DMD: variants seen among roughly 807,000 people sequenced by gnomAD.
The protein encoded by DMD is dystrophin.
DMD carries 63 observed loss-of-function variants against 330.1 expected under a neutral mutation model. That is an observed-to-expected ratio of 0.19 (90% CI 0.16 to 0.24). The LOEUF is 0.24. DMD is among the 10% of genes least tolerant of loss of function. DMD has a pLI of 1.00. For synonymous variants in DMD, 1,223 were observed against 959.8 expected (o/e 1.27, Z -5.07); for missense variants, 3,344 against 2,684.1 (o/e 1.25, Z -5.43).
chrX:31,861,638 CTGTGTG>C (rs1556949987), intron 48 of DMD, among the ~76,000 whole-genome samples: 25 of 83,107 alleles, frequency 3.0e-4, no homozygotes, highest in South Asian at 1.4e-3. Context: ...AAATAATCAC[CTGTGTG>C]TGTGTGTGTG....
At chrX:32,073,400 G>C (rs2147816248) in intron 44 of DMD, among the ~76,000 whole-genome samples, 1 of 111,537 alleles carries the variant, frequency 9.0e-6, no homozygotes, top group South Asian at 3.7e-4. Flanking sequence ...TGGTAAATTA[G>C]AAACATACTA....
At chrX:32,649,676 A>G (rs979321028) in intron 9 of DMD, among the ~76,000 whole-genome samples, 4 of 109,631 alleles carry the variant, frequency 3.6e-5, no homozygotes, top group Non-Finnish European at 7.6e-5. Flanking sequence ...CTAGACACTC[A>G]TTTCTGGAGA....
intron 60 of DMD, among the ~76,000 whole-genome samples, chrX:31,422,426 T>G (rs2063495770): frequency 9.0e-6 from 1 of 111,703 alleles, no homozygotes; most frequent in Admixed American, 9.6e-5. Flanking sequence ...TTTAACATAT[T>G]AAAACACGCA....
chrX:32,687,644 G>T (rs370947043), intron 9 of DMD, among the ~76,000 whole-genome samples: 51 of 111,749 alleles, frequency 4.6e-4, no homozygotes, highest in African/African-American at 1.4e-3. Context: ...CACCAGGCAT[G>T]TTAGTGAAGA....
rs184423943 is a variant in DMD at position 33,303,888 on chromosome X, C to A, written c.7+35371G>T. 3.2e-3 allele frequency among the ~76,000 whole-genome samples: 356 copies of A among 111,282 alleles called. 1 individual carries two copies. Among genetic ancestry groups the A allele is most frequent in the Non-Finnish European group, 3.1e-3 (162 of 53,035 alleles). On this transcript the variant is annotated intron_variant, in intron 1 of 17. Coordinates refer to the DMD transcript ENST00000288447. ...ATAGCAGTGTGAGAATGAACTAATACACTTAATTTTTTAAATGTCTGAATA... is the reference window on the plus strand; with the variant it reads ...ATAGCAGTGTGAGAATGAACTAATAAACTTAATTTTTTAAATGTCTGAATA...
chrX:31,522,086 C>G (rs1483618113), intron 55 of DMD, among the ~76,000 whole-genome samples: 1 of 110,101 alleles, frequency 9.1e-6, no homozygotes, highest in Admixed American at 9.8e-5. Context: ...GAACAATTAG[C>G]CTTGCCCCCC....
At chrX:32,944,290 T>A (rs1047720228) in intron 2 of DMD, among the ~76,000 whole-genome samples, 1 of 112,438 alleles carries the variant, frequency 8.9e-6, no homozygotes, top group Non-Finnish European at 1.9e-5. Flanking sequence ...GTGTTTTCCA[T>A]TTTAAATTTT....
chrX:33,097,655 G>T (rs1017203609), intron 1 of DMD, among the ~76,000 whole-genome samples: 1 of 79,950 alleles, frequency 1.3e-5, no homozygotes, highest in Admixed American at 2.1e-4. Flanking sequence ...TCACTCTGTC[G>T]CCCAGCCTGG....
intron 2 of DMD, among the ~76,000 whole-genome samples, chrX:32,966,057 G>A (rs1185819281): frequency 1.8e-5 from 2 of 112,184 alleles, no homozygotes; most frequent in Non-Finnish European, 3.8e-5. Context: ...AAGATTCAGA[G>A]TAAGTAGGAT....
At chrX:32,816,066 T>C (rs1037496151) in intron 6 of DMD, among the ~76,000 whole-genome samples, 7 of 111,345 alleles carry the variant, frequency 6.3e-5, no homozygotes, top group Admixed American at 3.9e-4. Context: ...TAACTACAAC[T>C]ACTCACATGA....
chrX:33,116,680 A>G (rs1385869400), intron 1 of DMD, among the ~76,000 whole-genome samples: 1 of 111,713 alleles, frequency 9.0e-6, no homozygotes, highest in East Asian at 2.8e-4. Context: ...TAGAAAAAAG[A>G]GGTGTTTCAA....
At chrX:31,469,674 T>C (rs749331360) in intron 59 of DMD, among the ~76,000 whole-genome samples, 94 of 111,516 alleles carry the variant, frequency 8.4e-4, no homozygotes, top group African/African-American at 3.0e-3. Context: ...AAGGAGTATC[T>C]TTGTGGTGTT....
intron 11 of DMD, among the ~76,000 whole-genome samples, chrX:32,630,397 T>A (rs2058651535): frequency 1.8e-5 from 2 of 110,470 alleles, no homozygotes; most frequent in Non-Finnish European, 3.8e-5. Context: ...GATTTTTAAA[T>A]GCCCTGAGGT....
intron 29 of DMD, among the ~76,000 whole-genome samples, chrX:32,431,687 C>A (rs1205184735): frequency 9.0e-6 from 1 of 111,239 alleles, no homozygotes; most frequent in Non-Finnish European, 1.9e-5. Flanking sequence ...ATTTTGATTT[C>A]TTTATTCCAT....
chrX:32,457,793 C>T (rs751966902), intron 25 of DMD, among the ~76,000 whole-genome samples: 77 of 109,244 alleles, frequency 7.0e-4, no homozygotes, highest in African/African-American at 2.1e-3. Flanking sequence ...GTATACTGAC[C>T]CAGAGAAAGA....
intron 43 of DMD, among the ~76,000 whole-genome samples, chrX:32,268,115 A>G (rs949184200): frequency 2.7e-5 from 3 of 111,327 alleles, no homozygotes; most frequent in African/African-American, 9.8e-5. Flanking sequence ...AAGAGTGACC[A>G]GCTGGATAGG....
At chrX:31,545,132 G>C (rs1008475786) in intron 55 of DMD, among the ~76,000 whole-genome samples, 1 of 111,720 alleles carries the variant, frequency 9.0e-6, no homozygotes, top group Non-Finnish European at 1.9e-5. Context: ...GTAAAATATC[G>C]TTGTTCCATG....
At chrX:31,210,576 C>T (rs2044553664) in intron 64 of DMD, among the ~76,000 whole-genome samples, 1 of 112,255 alleles carries the variant, frequency 8.9e-6, no homozygotes, top group Non-Finnish European at 1.9e-5. Flanking sequence ...AGAAACACAA[C>T]AACATTGCTT....
chrX:31,469,800 G>C (rs764295017), intron 59 of DMD, among the ~76,000 whole-genome samples: 14 of 111,570 alleles, frequency 1.3e-4, no homozygotes, highest in Non-Finnish European at 2.6e-4. Flanking sequence ...TCACTTTCAG[G>C]TACACCAATC....
Sources: allele counts gnomAD v4.1 joint callset (sites outside exome capture counted in the v4.1 genomes callset), GRCh38; gene constraint gnomAD v4.1.1; transcripts MANE v1.5; gene names NCBI Gene and HGNC (gene_info 2026-07-23, HGNC 2026-07-21).